Variants in MYH7 observed in about 807,000 individuals in gnomAD.
The protein encoded by MYH7 is myosin-7.
In MYH7, 129 loss-of-function variants were observed where a neutral mutation model predicts 225.4. That is an observed-to-expected ratio of 0.57 (90% CI 0.50 to 0.66). The LOEUF is 0.66. MYH7 is among the 30% of genes least tolerant of loss of function. The probability of loss-of-function intolerance (pLI) is 0.00; values close to 1 mark genes in which losing one functional copy is unlikely to be tolerated. For missense variants in MYH7, 1,649 were observed against 2,517.0 expected (o/e 0.66, Z 7.38); for synonymous variants, 971 against 1,007.6 (o/e 0.96, Z 0.69).
intron 33 of MYH7, 121 bp from the exon 34 acceptor site, chr14:23,416,433 G>A: frequency 8.9e-7 from 1 of 1,122,868 alleles, no homozygotes; most frequent in South Asian, 1.5e-5. Context: ...GTTCAAAGAA[G>A]CAGAAGGTGG....
chr14:23,433,875 C>G lies in MYH7; in HGVS notation c.-8-135G>C, dbSNP rs997178203. 4.9e-5 allele frequency: 43 copies of G among 877,692 alleles called. No individual in the cohort carries two copies. Among genetic ancestry groups the G allele is most frequent in the Admixed American group, 3.8e-4 (18 of 46,946 alleles). The allele number at this position is 877,692 out of a possible 1,614,324, so 54.4% of individuals were successfully genotyped here. On this transcript the variant is annotated intron_variant, in intron 2 of 39. Coordinates refer to ENST00000355349, the MANE Select transcript of MYH7 (RefSeq NM_000257.4). This position sits in a 1 kb window ranked among gnomAD's most constrained non-coding sequence, Gnocchi z 4.1. ...AAGAGGAGTTACCAGTGAGTCCCTT[C>G]CTCTTTGAGGTTACCCCTTAACCAG...
Position 23,414,947 on chromosome 14 carries a change from C to A in MYH7, c.5559+48G>T, listed in dbSNP as rs772933380. 14 of 1,601,406 alleles carry A rather than the reference C, an allele frequency of 8.7e-6. No homozygotes were observed. In the African/African-American group the frequency reaches 1.7e-4, roughly 20 times the overall value. On this transcript the variant is annotated intron_variant, in intron 37 of 39. Transcript: ENST00000355349. ...CTTCATTCTCCTCAGCTGGTTGTCA[C>A]TGTGGCTATGGTGCCAGGGCTCTGC...
intron 22 of MYH7, 52 bp from the exon 23 acceptor site, chr14:23,424,201 T>G: frequency 6.2e-7 from 1 of 1,611,162 alleles, no homozygotes; most frequent in South Asian, 1.1e-5. Flanking sequence ...GTCCTCATTC[T>G]TGCAGGTAGA....
At position 23,422,734 on chromosome 14, in the gene MYH7, G is replaced by T. The variant is rs369362433; in HGVS notation, c.3100-409C>A. On this transcript the variant is annotated intron_variant, in intron 24 of 39. Coordinates refer to ENST00000355349, the MANE Select transcript of MYH7 (RefSeq NM_000257.4). ...CAACCTCCGCCTCCCTGGTTCAAGG[G>T]ATTATTCTGCCTCAGCCTCCTGAGT... Among the ~76,000 whole-genome samples, 38 of 150,838 alleles carry T rather than the reference G, an allele frequency of 2.5e-4. No homozygotes were observed. In the East Asian group the frequency reaches 4.3e-3, roughly 17 times the overall value.
At chr14:23,428,358 C>G in intron 15 of MYH7, 142 bp downstream of exon 15, 1 of 1,389,382 alleles carries the variant, frequency 7.2e-7, no homozygotes, top group South Asian at 1.2e-5. Context: ...CTCAGCACAA[C>G]ATAGGCTCTG....
intron 30 of MYH7, chr14:23,417,890 C>T (rs1056565024): frequency 2.2e-6 from 2 of 896,990 alleles, no homozygotes; most frequent in Admixed American, 1.7e-5. Flanking sequence ...TGACCCTGGC[C>T]CAGCCTCTGC....
Position 23,424,964 on chromosome 14 carries a change from G to C in MYH7, c.2484C>G (p.Pro828=), listed in dbSNP as rs1555337746. The C allele has an allele frequency of 3.1e-6, 5 of 1,614,084 alleles. No homozygotes were observed. The highest frequency in any genetic ancestry group is 4.2e-6 in the Non-Finnish European group (5 of 1,180,044). The change falls in exon 22 of 40, where the codon CCC becomes CCG. Residue 828 remains proline, a synonymous_variant. Transcript: ENST00000355349. The part of the protein sequence containing the change: ...IRAFMGVKNW[P]WMKLYFKIKP... ...TGATCTTGAAGTAGAGCTTCATCCA[G>C]GGCCAATTCTTGACCCCCATGAAGG...
chr14:23,430,302 G>A (rs1299037809), intron 11 of MYH7, among the ~76,000 whole-genome samples: 4 of 152,168 alleles, frequency 2.6e-5, no homozygotes, highest in Non-Finnish European at 5.9e-5. Flanking sequence ...CCTCGGTGAT[G>A]CTTGTTTCTT....
At chr14:23,416,648 C>T (rs929542844) in intron 33 of MYH7, among the ~76,000 whole-genome samples, 3 of 152,134 alleles carry the variant, frequency 2.0e-5, no homozygotes, top group Non-Finnish European at 4.4e-5. Context: ...ATGGGAAGCT[C>T]AGCTAAGATG....
Position 23,424,033 on chromosome 14 carries a change from C to A in MYH7, c.2796G>T (p.Met932Ile). The A allele has an allele frequency of 6.2e-7, 1 of 1,614,252 alleles. No individual in the cohort carries two copies. The change falls in exon 23 of 40, where the codon ATG (methionine) becomes ATT (isoleucine). Residue 932 changes from methionine (M) to isoleucine (I), a missense_variant. Coordinates refer to ENST00000355349, the MANE Select transcript of MYH7 (RefSeq NM_000257.4). ...MNERLEDEEE[M>I]NAELTAKKRK... ...GCTTCTTGGCAGTGAGCTCAGCATT[C>A]ATCTCCTCCTCATCCTCCAGCCTCT...
Position 23,417,792 on chromosome 14 carries a change from T to C in MYH7, c.4170-106A>G, listed in dbSNP as rs1892287772. On this transcript the variant is annotated intron_variant, in intron 30 of 39. Coordinates refer to ENST00000355349, the MANE Select transcript of MYH7 (RefSeq NM_000257.4). Reference sequence around the variant, plus strand: ...AAGACAATCCTTGAAACCTCAGAAGTGTAGCTGGAGAAGCCTGAGGACAGG... The same window carrying C: ...AAGACAATCCTTGAAACCTCAGAAGCGTAGCTGGAGAAGCCTGAGGACAGG... The C allele has an allele frequency of 1.4e-5, 21 of 1,459,386 alleles. No homozygotes were observed. The South Asian group carries it at 2.4e-4, about 16-fold the overall frequency. The allele number at this position is 1,459,386 out of a possible 1,614,324, so 90.4% of individuals were successfully genotyped here. A position where few individuals can be genotyped will look rare whatever the true frequency, so the allele number is the denominator to read the frequency against.
In MYH7 at chr14:23,418,337, C is replaced by T. The variant is rs1275262402; in HGVS notation, c.4042G>A (p.Glu1348Lys). The change falls in exon 30 of 40, where the codon GAG becomes AAG. Residue 1348 changes from glutamate to lysine, a missense_variant. Transcript: ENST00000355349. ...TCGGCCTTGGCCTCCGTCTCCTCCTCGTACTGCTCCCGCAGCAGGTCGCAG... is the reference window on the plus strand; with the variant it reads ...TCGGCCTTGGCCTCCGTCTCCTCCTTGTACTGCTCCCGCAGCAGGTCGCAG... ...HDCDLLREQY[E>K]EETEAKAELQ... 6.8e-6 allele frequency: 11 copies of T among 1,613,842 alleles called. No individual in the cohort carries two copies. The highest frequency in any genetic ancestry group is 2.2e-5 in the East Asian group (1 of 44,894).
At chr14:23,421,085 C>G in intron 25 of MYH7, 37 bp from the exon 26 acceptor site, 2 of 1,517,242 alleles carry the variant, frequency 1.3e-6, no homozygotes, top group Non-Finnish European at 1.8e-6. Flanking sequence ...AAGGGAGACT[C>G]GTGGGGCCTC....
rs1892169024 is a variant in MYH7, at chr14:23,415,709, C to A, written c.5077G>T (p.Glu1693Ter). 1 of 1,614,066 alleles carries A rather than the reference C, an allele frequency of 6.2e-7. No homozygotes were observed. Among genetic ancestry groups the A allele is most frequent in the Admixed American group, 1.7e-5 (1 of 60,006 alleles). ...AELEELRAVV[E>*]QTERSRKLAE... ...AGCTTCCGGGACCGCTCTGTCTGCT[C>A]CACCACGGCACGCAACTCCTCCAGC... Residue 1693 changes from glutamate (E) to a stop codon, truncating the protein, a stop_gained, in exon 35 of 40, where the codon GAG becomes TAG. Transcript: ENST00000355349. LOFTEE classifies it high-confidence loss of function. The surrounding 1 kb of genome is among the most constrained non-coding windows in gnomAD (Gnocchi z 6.3).
rs1214312955 is a variant in MYH7 at position 23,415,118 on chromosome 14, C to T, written c.5436G>A (p.Leu1812=). 2 of 1,614,044 alleles carry T rather than the reference C, an allele frequency of 1.2e-6. No individual in the cohort carries two copies. The highest frequency in any genetic ancestry group is 1.7e-6 in the Non-Finnish European group (2 of 1,180,058). The part of the protein sequence containing the change: ...QIALKGGKKQ[L]QKLEARVREL... ...CCCGCACCCGCGCTTCCAGCTTCTG[C>T]AGCTGCTTCTTGCCGCCCTTGAGGG... The change falls in exon 37 of 40, where the codon CTG becomes CTA. Residue 1812 remains leucine, a synonymous_variant. Transcript: ENST00000355349. This position sits in a 1 kb window ranked among gnomAD's most constrained non-coding sequence, Gnocchi z 6.3.
Position 23,423,605 on chromosome 14 carries a change from T to A in MYH7, c.3041A>T (p.Glu1014Val). 1 of 1,614,126 alleles carries A rather than the reference T, an allele frequency of 6.2e-7. No individual in the cohort carries two copies. The highest frequency in any genetic ancestry group is 8.5e-7 in the Non-Finnish European group (1 of 1,180,020). Residue 1014 changes from glutamate (E) to valine (V), a missense_variant, in exon 24 of 40, where the codon GAG becomes GTG. Around this residue, in one of 12 missense-constraint regions of MYH7, gnomAD observed 282 missense variants for 315.3 expected, o/e 0.89. Coordinates refer to ENST00000355349, the MANE Select transcript of MYH7 (RefSeq NM_000257.4). ...QQALDDLQAEEDKVNTLTKAK... is the reference protein window; with the variant it reads ...QQALDDLQAEVDKVNTLTKAK... Reference sequence around the variant, plus strand: ...CTTAGTCAGGGTGTTGACCTTGTCCTCCTCGGCCTGAAGGTCATCCAGAGC... The same window carrying A: ...CTTAGTCAGGGTGTTGACCTTGTCCACCTCGGCCTGAAGGTCATCCAGAGC...
rs376200452 is a variant in MYH7 at position 23,429,952 on chromosome 14, A to G, written c.1000-39T>C. ...CCATATTGGCGGACCCCAGAAAAAG[A>G]AGTATGATGGGTAAGTGAGATCCCT... On this transcript the variant is annotated intron_variant, in intron 11 of 39. Transcript: ENST00000355349. The G allele has an allele frequency of 6.2e-6, 10 of 1,612,140 alleles. No individual in the cohort carries two copies. The African/African-American group carries it at 1.2e-4, about 19-fold the overall frequency.
At position 23,415,716 on chromosome 14, in the gene MYH7, G is replaced by A. The variant is rs764844610; in HGVS notation, c.5070C>T (p.Ala1690=). 21 of 1,614,020 alleles carry A rather than the reference G, an allele frequency of 1.3e-5. No individual in the cohort carries two copies. The highest frequency in any genetic ancestry group is 5.3e-5 in the African/African-American group (4 of 74,918). Residue 1690 remains alanine (A), a synonymous_variant, in exon 35 of 40, where the codon GCC becomes GCT. Transcript: ENST00000355349. This position sits in a 1 kb window ranked among gnomAD's most constrained non-coding sequence, Gnocchi z 6.3. The part of the protein sequence containing the change: ...LLQAELEELR[A]VVEQTERSRK... ...GGGACCGCTCTGTCTGCTCCACCAC[G>A]GCACGCAACTCCTCCAGCTCAGCCT...
intron 37 of MYH7, 26 bp from the exon 38 acceptor site, chr14:23,414,128 G>T (rs779038045): frequency 9.4e-6 from 15 of 1,599,630 alleles, no homozygotes; most frequent in Admixed American, 6.7e-5. Context: ...TAGGCAGGGG[G>T]TGAAGATGGC....
Sources: gnomAD v4.1 joint callset for allele counts (sites outside exome capture counted in the v4.1 genomes callset) on GRCh38, gnomAD v4.1.1 for gene constraint, gnomAD v4.1.1 regional missense constraint, Gnocchi (gnomAD v3.1) non-coding constraint, MANE v1.5 for transcripts, NCBI Gene and HGNC (gene_info 2026-07-23, HGNC 2026-07-21) for gene names.